MLIP: variants seen among roughly 807,000 people sequenced by gnomAD.
MLIP encodes the protein muscular LMNA-interacting protein.
A neutral mutation model predicts 84.8 loss-of-function variants in MLIP; 79 were observed. That is an observed-to-expected ratio of 0.93 (90% CI 0.78 to 1.12). The LOEUF (loss-of-function observed/expected upper bound fraction) is 1.12. Among genes scored for constraint, MLIP ranks in the 50% most tolerant of loss-of-function variants. The probability of loss-of-function intolerance (pLI) is 0.00; values close to 1 mark genes in which losing one functional copy is unlikely to be tolerated. For missense variants in MLIP, 1,257 were observed against 1,160.6 expected, an observed-to-expected ratio of 1.08 and a Z score of -1.21; for synonymous variants, 504 against 463.0, an observed-to-expected ratio of 1.09 and a Z score of -1.14.
intron 8 of MLIP, among the ~76,000 whole-genome samples, chr6:54,161,737 T>C (rs1378046152): frequency 6.6e-6 from 1 of 151,952 alleles, no homozygotes; most frequent in Non-Finnish European, 1.5e-5. Context: ...TAATGACATA[T>C]AAAACCCAGT....
intron 13 of MLIP, among the ~76,000 whole-genome samples, chr6:54,260,402 A>G (rs9357793): frequency 0.28 from 42,710 of 151,920 alleles, 11,388 homozygotes; most frequent in African/African-American, 0.71. Flanking sequence ...CATATGACAG[A>G]AATCCATTCC....
In MLIP at chr6:54,137,182, T is replaced by C; in HGVS notation, c.1113T>C (p.His371=). The change falls in exon 4 of 14, where the codon CAT becomes CAC. Residue 371 remains histidine (H), a synonymous_variant. Coordinates refer to ENST00000502396, the MANE Select transcript of MLIP (RefSeq NM_001281747.2). ...ASYIPVRIVT[H]SLSPSPKPFT... is the part of the protein sequence containing the mutation. ...ACATACCAGTCCGCATTGTCACGCA[T>C]TCACTCTCTCCGAGCCCCAAACCAT... 2 of 1,536,060 alleles carry C rather than the reference T, an allele frequency of 1.3e-6. No individual in the cohort carries two copies.
At chr6:54,183,650 A>T (rs1777104782) in intron 9 of MLIP, among the ~76,000 whole-genome samples, 1 of 152,020 alleles carries the variant, frequency 6.6e-6, no homozygotes, top group African/African-American at 2.4e-5. Context: ...TCAAACTTAA[A>T]AAAATTTCTA....
intron 4 of MLIP, among the ~76,000 whole-genome samples, chr6:54,145,637 A>G (rs1025991773): frequency 1.3e-5 from 2 of 151,984 alleles, no homozygotes; most frequent in Non-Finnish European, 2.9e-5. Flanking sequence ...TTAGCTGGGT[A>G]TGCTGCCACA....
Position 54,137,130 on chromosome 6 carries a change from C to T in MLIP, c.1061C>T (p.Ala354Val), listed in dbSNP as rs1285239332. 4 of 1,536,010 alleles carry T rather than the reference C, an allele frequency of 2.6e-6. No individual in the cohort carries two copies. In the African/African-American group the frequency reaches 5.5e-5, roughly 21 times the overall value. The change falls in exon 4 of 14, where the codon GCT (alanine) becomes GTT (valine). Residue 354 changes from alanine (A) to valine (V), a missense_variant. By Grantham distance (64) the Ala-to-Val change is moderately conservative. Coordinates refer to ENST00000502396, the MANE Select transcript of MLIP (RefSeq NM_001281747.2). ...TCTTCTTCTCCACCGTCCTCCAGTG[C>T]TTCTCTGAAGTCGAATTCGGCCTCG... ...RTSSSPPSSS[A>V]SLKSNSASYI...
chr6:54,254,783 T>TC lies in MLIP; in HGVS notation c.2923-2517dup, dbSNP rs1554195184. Among the ~76,000 whole-genome samples, 1,052 of 121,674 alleles carry TC rather than the reference T, an allele frequency of 8.6e-3. 13 individuals carry two copies. Among genetic ancestry groups the TC allele is most frequent in the African/African-American group, 0.029 (886 of 30,314 alleles). The allele number at this position is 121,674 out of a possible 152,430, so 79.8% of individuals were successfully genotyped here. On this transcript the variant is annotated intron_variant, in intron 12 of 13. Transcript: ENST00000502396. ...TCCTTCCTTCCCTTCCTCCCTCCCT[T>TC]CCCCCCCCACTTTCCTGCCCTGCCG...
At chr6:54,058,111 A>G (rs1349901684) in intron 1 of MLIP, 1 of 150,392 alleles carries the variant, frequency 6.6e-6, no homozygotes, top group Non-Finnish European at 1.5e-5. Flanking sequence ...GTGTAGAGAC[A>G]TTATATGTGT....
chr6:54,227,980 G>A (rs893418725), intron 11 of MLIP, among the ~76,000 whole-genome samples: 1 of 152,000 alleles, frequency 6.6e-6, no homozygotes, highest in African/African-American at 2.4e-5. Flanking sequence ...TCAGGAGATC[G>A]AGATCATTCT....
chr6:54,084,635 CT>C (rs1238217636), intron 1 of MLIP, among the ~76,000 whole-genome samples: 10 of 152,166 alleles, frequency 6.6e-5, no homozygotes, highest in Non-Finnish European at 1.0e-4. Context: ...GAAAAAAGTA[CT>C]CTTTGCAAAT....
At chr6:54,164,942 T>C (rs1209850956) in intron 8 of MLIP, among the ~76,000 whole-genome samples, 4 of 152,016 alleles carry the variant, frequency 2.6e-5, no homozygotes, top group Non-Finnish European at 5.9e-5. Flanking sequence ...AGACTTTGTA[T>C]GGATATATGA....
chr6:54,109,907 C>T (rs1449812964), upstream of MLIP, among the ~76,000 whole-genome samples: 6 of 119,766 alleles, frequency 5.0e-5, no homozygotes, highest in East Asian at 5.9e-4. Flanking sequence ...TTCTTTCTTT[C>T]TTTTTCTTTC....
intron 12 of MLIP, among the ~76,000 whole-genome samples, chr6:54,256,916 G>T (rs193130799): frequency 6.6e-6 from 1 of 152,178 alleles, no homozygotes; most frequent in Non-Finnish European, 1.5e-5. Flanking sequence ...TGTTGCTTTG[G>T]AGCTTTTCAG....
At chr6:54,243,550 G>A (rs1187899143) in intron 12 of MLIP, among the ~76,000 whole-genome samples, 1 of 152,154 alleles carries the variant, frequency 6.6e-6, no homozygotes, top group Non-Finnish European at 1.5e-5. Context: ...TTCACATGCA[G>A]CATTTTATTT....
chr6:54,124,907 G>T (rs41273898), intron 3 of MLIP, 42 bp downstream of exon 3: 17,605 of 1,513,584 alleles, frequency 0.012, 139 homozygotes, highest in Non-Finnish European at 0.013. Flanking sequence ...AAAAAAAAGC[G>T]TTTATGCACC....
intron 1 of MLIP, among the ~76,000 whole-genome samples, chr6:54,088,089 T>C (rs560903119): frequency 2.6e-5 from 4 of 152,348 alleles, no homozygotes; most frequent in African/African-American, 9.6e-5. Flanking sequence ...CTTATGCTTA[T>C]GTGTTTTCCA....
chr6:54,020,951 C>A (rs185694534), intron 1 of MLIP, among the ~76,000 whole-genome samples: 3 of 152,316 alleles, frequency 2.0e-5, no homozygotes, highest in Admixed American at 6.5e-5. Flanking sequence ...GTTAAGGAAC[C>A]TGGCACCTTT....
At chr6:54,265,413 A>G (rs770029270) in intron 13 of MLIP, among the ~76,000 whole-genome samples, 2 of 152,124 alleles carry the variant, frequency 1.3e-5, no homozygotes, top group Admixed American at 6.6e-5. Context: ...TCTACCACAG[A>G]GCAAAATTGT....
chr6:54,038,327 G>T (rs771977665), intron 1 of MLIP, among the ~76,000 whole-genome samples: 16 of 151,886 alleles, frequency 1.1e-4, no homozygotes, highest in Admixed American at 3.9e-4. Context: ...CATTCCTGAG[G>T]TTCTCTAGGA....
At chr6:54,188,759 T>C (rs1217085488) in intron 9 of MLIP, among the ~76,000 whole-genome samples, 1 of 151,990 alleles carries the variant, frequency 6.6e-6, no homozygotes, top group Non-Finnish European at 1.5e-5. Context: ...ATATGCATAC[T>C]CAGAATAAAA....
Sources: allele counts gnomAD v4.1 joint callset (sites outside exome capture counted in the v4.1 genomes callset), GRCh38; gene constraint gnomAD v4.1.1; transcripts MANE v1.5; gene names NCBI Gene and HGNC (gene_info 2026-07-23, HGNC 2026-07-21).